Variants in SCAPER observed in about 807,000 individuals in gnomAD.
SCAPER encodes the protein S-phase cyclin A associated protein in the ER.
Under a neutral mutation model 182.2 loss-of-function variants are expected in SCAPER, and 98 were observed. The ratio of observed to expected loss-of-function variants is 0.54; its 90% CI spans 0.46 to 0.64. The LOEUF is 0.64. Among genes scored for constraint, SCAPER ranks in the 30% least tolerant of loss-of-function variants. The probability of loss-of-function intolerance (pLI) is 0.00; values close to 1 mark genes in which losing one functional copy is unlikely to be tolerated. For missense variants in SCAPER, 1,432 were observed against 1,690.0 expected (o/e 0.85, Z 2.68); for synonymous variants, 605 against 564.6 (o/e 1.07, Z -1.01).
In SCAPER at chr15:76,702,181, A is replaced by AC. The variant is rs1050228526; in HGVS notation, c.2401-317_2401-316insG. ...CCATCTCAAAACAAAACAAAACAAAAAAAAGACATGTTACAGCCAGCCTAA... is the reference window on the plus strand; with the variant it reads ...CCATCTCAAAACAAAACAAAACAAAACAAAAGACATGTTACAGCCAGCCTAA... On this transcript the variant is annotated intron_variant, in intron 19 of 31. Transcript: ENST00000563290. Among the ~76,000 whole-genome samples, 17 of 151,928 alleles carry AC rather than the reference A, an allele frequency of 1.1e-4. No homozygotes were observed. The East Asian group carries it at 1.9e-3, about 17-fold the overall frequency.
chr15:76,559,711 G>T (rs1211334515), intron 23 of SCAPER, among the ~76,000 whole-genome samples: 1 of 152,138 alleles, frequency 6.6e-6, no homozygotes. Context: ...ACACAAAGAA[G>T]AGAGCAATGG....
At chr15:76,647,850 A>G (rs1016198539) in intron 21 of SCAPER, among the ~76,000 whole-genome samples, 1 of 152,238 alleles carries the variant, frequency 6.6e-6, no homozygotes, top group African/African-American at 2.4e-5. Context: ...CAAAGGACAT[A>G]CCTTAGAAGG....
chr15:76,856,831 C>T (rs1471248505), intron 4 of SCAPER, among the ~76,000 whole-genome samples: 1 of 151,730 alleles, frequency 6.6e-6, no homozygotes, highest in African/African-American at 2.4e-5. Flanking sequence ...ATTGTACCAC[C>T]GTACTCAGCC....
chr15:76,665,539 T>C (rs2056508552), intron 21 of SCAPER, 114 bp downstream of exon 21: 1 of 1,281,706 alleles, frequency 7.8e-7, no homozygotes, highest in Non-Finnish European at 1.0e-6. Flanking sequence ...TCAGTGTTAT[T>C]TCCAAGGCTT....
At chr15:76,715,129 C>A (rs2059818781) in intron 17 of SCAPER, among the ~76,000 whole-genome samples, 2 of 152,032 alleles carry the variant, frequency 1.3e-5, no homozygotes, top group African/African-American at 2.4e-5. Flanking sequence ...TCATTGGAGA[C>A]CTCAGGCCTC....
At chr15:76,399,110 AACT>A (rs2044277984) in intron 27 of SCAPER, among the ~76,000 whole-genome samples, 1 of 152,186 alleles carries the variant, frequency 6.6e-6, no homozygotes, top group African/African-American at 2.4e-5. Flanking sequence ...AAGAATAGAA[AACT>A]GTTAACAGTA....
chr15:76,724,958 G>A (rs557552113), intron 17 of SCAPER, among the ~76,000 whole-genome samples: 1 of 152,072 alleles, frequency 6.6e-6, no homozygotes, highest in Admixed American at 6.6e-5. Flanking sequence ...GCTTTGTTCT[G>A]TTGCTGGTGA....
intron 2 of SCAPER, among the ~76,000 whole-genome samples, chr15:76,882,757 C>A (rs1270771963): frequency 6.6e-6 from 1 of 152,218 alleles, no homozygotes; most frequent in African/African-American, 2.4e-5. Context: ...CTCCGCCTCC[C>A]GGGTTCATGC....
intron 25 of SCAPER, among the ~76,000 whole-genome samples, chr15:76,466,416 C>CTTTTTTTT (rs1268592485): frequency 5.7e-4 from 21 of 36,754 alleles, no homozygotes; most frequent in Non-Finnish European, 1.0e-3. Context: ...TTGGTTGGTT[C>CTTTTTTTT]TTCTTTTTTT....
chr15:76,902,959 G>A (rs2074875386), intron 1 of SCAPER, among the ~76,000 whole-genome samples: 1 of 151,920 alleles, frequency 6.6e-6, no homozygotes, highest in South Asian at 2.1e-4. Flanking sequence ...TACTCAGGAA[G>A]CTGAGGCAGG....
In SCAPER at chr15:76,720,677, G is replaced by C. The variant is rs575783464; in HGVS notation, c.2165+7918C>G. Among the ~76,000 whole-genome samples, 32 of 152,302 alleles carry C rather than the reference G, an allele frequency of 2.1e-4. 1 individual carries two copies. The highest frequency in any genetic ancestry group is 7.2e-4 in the Admixed American group (11 of 15,298). On this transcript the variant is annotated intron_variant, in intron 17 of 31. Transcript: ENST00000563290. Reference sequence around the variant, plus strand: ...TTTTGATTTGCATTTCTCTGATGGAGAGTGATGATGAGCACTTTTTCATGT... The same window carrying C: ...TTTTGATTTGCATTTCTCTGATGGACAGTGATGATGAGCACTTTTTCATGT...
chr15:76,535,762 G>A (rs1012290418), intron 23 of SCAPER, among the ~76,000 whole-genome samples: 8 of 152,072 alleles, frequency 5.3e-5, no homozygotes, highest in African/African-American at 1.9e-4. Flanking sequence ...GGCTAAAGGA[G>A]TCTTGTTAAG....
chr15:76,757,383 A>G (rs905982350), intron 14 of SCAPER, among the ~76,000 whole-genome samples: 1 of 152,022 alleles, frequency 6.6e-6, no homozygotes, highest in Non-Finnish European at 1.5e-5. Context: ...AATATCCTCT[A>G]GCTCCATCCA....
chr15:76,357,150 T>TCACACATACACA (rs1555410454), intron 29 of SCAPER, among the ~76,000 whole-genome samples: 3 of 128,954 alleles, frequency 2.3e-5, no homozygotes, highest in Non-Finnish European at 4.8e-5. Flanking sequence ...TTTATTGACA[T>TCACACATACACA]CACACACACA....
chr15:76,423,947 TC>T, intron 26 of SCAPER, among the ~76,000 whole-genome samples: 2 of 152,384 alleles, frequency 1.3e-5, no homozygotes, highest in Non-Finnish European at 2.9e-5. Flanking sequence ...AGTTTCTTAA[TC>T]CTGAGTTCTA....
chr15:76,577,814 GA>G (rs2145438289), intron 22 of SCAPER, among the ~76,000 whole-genome samples: 1 of 151,934 alleles, frequency 6.6e-6, no homozygotes, highest in South Asian at 2.1e-4. Flanking sequence ...TTCTGCTTGA[GA>G]AAAGGGGAGG....
chr15:76,613,025 C>T (rs1414531345), intron 22 of SCAPER, among the ~76,000 whole-genome samples: 3 of 152,190 alleles, frequency 2.0e-5, no homozygotes, highest in Non-Finnish European at 4.4e-5. Flanking sequence ...TCAAACTATA[C>T]TACAGGGCTA....
At chr15:76,832,466 A>G (rs896316962) in intron 5 of SCAPER, among the ~76,000 whole-genome samples, 1 of 152,268 alleles carries the variant, frequency 6.6e-6, no homozygotes, top group African/African-American at 2.4e-5. Context: ...CCTCTGAGAA[A>G]TATGTGATAA....
intron 24 of SCAPER, among the ~76,000 whole-genome samples, chr15:76,492,748 A>C (rs548665400): frequency 6.6e-6 from 1 of 152,306 alleles, no homozygotes; most frequent in African/African-American, 2.4e-5. Flanking sequence ...CTCAGCAAAA[A>C]ACCTGGGGAC....
Sources: gnomAD v4.1 joint callset for allele counts (sites outside exome capture counted in the v4.1 genomes callset) on GRCh38, gnomAD v4.1.1 for gene constraint, MANE v1.5 for transcripts, NCBI Gene and HGNC (gene_info 2026-07-23, HGNC 2026-07-21) for gene names.